YLPM1: variants seen among roughly 807,000 people sequenced by gnomAD.
YLPM1 encodes the protein YLP motif-containing protein 1.
A neutral mutation model predicts 230.0 loss-of-function variants in YLPM1; 99 were observed. The observed-to-expected ratio is 0.43, with a 90% CI of 0.37 to 0.51. YLPM1 has a LOEUF of 0.51. YLPM1 is among the 20% of genes least tolerant of loss of function. The pLI, the probability that YLPM1 is intolerant of heterozygous loss-of-function variation, is 0.00. For missense variants in YLPM1, 2,592 were observed against 2,707.7 expected, an observed-to-expected ratio of 0.96 and a Z score of 0.95; for synonymous variants, 984 against 942.5, an observed-to-expected ratio of 1.04 and a Z score of -0.81.
chr14:74,805,306 C>A (rs1484477359), intron 6 of YLPM1, among the ~76,000 whole-genome samples: 1 of 151,998 alleles, frequency 6.6e-6, no homozygotes, highest in Non-Finnish European at 1.5e-5. Flanking sequence ...CAGGCATGAA[C>A]CACCGCACCC....
intron 17 of YLPM1, chr14:74,823,997 C>A: frequency 2.6e-6 from 1 of 390,190 alleles, no homozygotes; most frequent in Non-Finnish European, 4.7e-6. Flanking sequence ...ATTGTGAGTC[C>A]TGAACTGTAG....
chr14:74,769,475 C>G (rs1443974843), intron 1 of YLPM1, among the ~76,000 whole-genome samples: 1 of 151,470 alleles, frequency 6.6e-6, no homozygotes, highest in Admixed American at 6.6e-5. Context: ...TTAGTAGAGA[C>G]GAGGTTTCAC....
Position 74,816,275 on chromosome 14 carries a change from G to A in YLPM1, c.5565+10G>A, listed in dbSNP as rs201950314. 273 of 1,609,632 alleles carry A rather than the reference G, an allele frequency of 1.7e-4. 3 individuals are homozygous for A. In the African/African-American group the frequency reaches 2.7e-3, roughly 16 times the overall value. ...TGCAAAACTTATTCGAGTGAGTATG[G>A]GGAAGCTGAAAAATCAGCTGCTTGT... On this transcript the variant is annotated intron_variant, in intron 12 of 20. Transcript: ENST00000325680.
In YLPM1 at chr14:74,813,849, T is replaced by G. The variant is rs540568670; in HGVS notation, c.5502+1067T>G. On this transcript the variant is annotated intron_variant, in intron 11 of 20. Coordinates refer to ENST00000325680, the MANE Select transcript of YLPM1 (RefSeq NM_019589.3). ...CAATACCACTGAATTCATTTATTACTTTTAGTAGGTTTTTAGTTGATTCTT... is the reference window on the plus strand; with the variant it reads ...CAATACCACTGAATTCATTTATTACGTTTAGTAGGTTTTTAGTTGATTCTT... Among the ~76,000 whole-genome samples, 16 of 152,342 alleles carry G rather than the reference T, an allele frequency of 1.1e-4. No homozygotes were observed. In the East Asian group the frequency reaches 3.1e-3, roughly 29 times the overall value.
rs1002712790 is a variant in YLPM1 at position 74,835,184 on chromosome 14, C to T, written c.6295-81C>T. ...GCGGTTTCAAATGAGTCATTCTACC[C>T]CTTAGACTGTCCAGAGAGGGAGGGG... On this transcript the variant is annotated intron_variant, in intron 19 of 20. Coordinates refer to ENST00000325680, the MANE Select transcript of YLPM1 (RefSeq NM_019589.3). 9.1e-6 allele frequency: 14 copies of T among 1,545,178 alleles called. 1 individual carries two copies. The highest frequency in any genetic ancestry group is 1.1e-5 in the Non-Finnish European group (13 of 1,142,098).
rs1283397678 is a variant in YLPM1 at position 74,764,013 on chromosome 14, A to G, written c.524A>G (p.Tyr175Cys). The G allele has an allele frequency of 6.5e-6, 10 of 1,527,714 alleles. No individual in the cohort carries two copies. The highest frequency in any genetic ancestry group is 8.8e-6 in the Non-Finnish European group (10 of 1,136,174). 94.6% of individuals were successfully genotyped at this position (1,527,714 alleles called of 1,614,324 possible). ...MPPPQPPPSY[Y>C]PPTSSQPYLP... ...CCACCTCAGCCGCCACCCTCTTACTACCCCCCGACCTCATCTCAGCCCTAC... is the reference window on the plus strand; with the variant it reads ...CCACCTCAGCCGCCACCCTCTTACTGCCCCCCGACCTCATCTCAGCCCTAC... The change falls in exon 1 of 21, where the codon TAC becomes TGC. Residue 175 changes from tyrosine (Y) to cysteine (C), a missense_variant. Tyr to Cys is a radical substitution (Grantham distance 194). Transcript: ENST00000325680.
In YLPM1 at chr14:74,763,615, C is replaced by A; in HGVS notation, c.126C>A (p.Pro42=). Residue 42 remains proline (P), a synonymous_variant, in exon 1 of 21, where the codon CCC becomes CCA. Coordinates refer to ENST00000325680, the MANE Select transcript of YLPM1 (RefSeq NM_019589.3). The part of the protein sequence containing the change: ...PGPGYSSSTT[P]AAPSSSGFMS... ...CCGGGTACTCGAGCTCGACGACTCC[C>A]GCGGCCCCCTCCTCCTCGGGCTTCA... 2 of 1,592,354 alleles carry A rather than the reference C, an allele frequency of 1.3e-6. No homozygotes were observed. The highest frequency in any genetic ancestry group is 2.3e-5 in the East Asian group (1 of 42,602).
chr14:74,797,741 G>A lies in YLPM1; in HGVS notation c.2444G>A (p.Gly815Glu). 1 of 1,613,546 alleles carries A rather than the reference G, an allele frequency of 6.2e-7. No individual in the cohort carries two copies. ...AGCAAGTGGGGAATGATTCCCCGGG[G>A]GCCAGCATCTCAATTTTATATTACC... ...TKSKWGMIPR[G>E]PASQFYITPS... The change falls in exon 5 of 21, where the codon GGG becomes GAG. Residue 815 changes from glycine (G) to glutamate (E), a missense_variant. By Grantham distance (98) the Gly-to-Glu change is moderately conservative (BLOSUM62 -2). This residue lies in a region of YLPM1 where 1,862 missense variants were observed against 1,819.8 expected (regional missense o/e 1.02). Transcript: ENST00000325680.
chr14:74,815,622 CT>C (rs953045118), intron 11 of YLPM1, among the ~76,000 whole-genome samples: 2 of 151,022 alleles, frequency 1.3e-5, no homozygotes, highest in African/African-American at 4.9e-5. Flanking sequence ...GTTTTATTGA[CT>C]TTTTCTCTTT....
chr14:74,832,979 T>G (rs1024954809), intron 19 of YLPM1, among the ~76,000 whole-genome samples: 8 of 152,044 alleles, frequency 5.3e-5, no homozygotes, highest in African/African-American at 1.7e-4. Flanking sequence ...TTTAACTATG[T>G]GCTGAGGATG....
intron 4 of YLPM1, among the ~76,000 whole-genome samples, chr14:74,784,998 A>G (rs893388663): frequency 6.6e-6 from 1 of 152,168 alleles, no homozygotes; most frequent in African/African-American, 2.4e-5. Context: ...ATGTGCTTAT[A>G]TTGTATAGCT....
chr14:74,789,960 A>G (rs2091190560), intron 4 of YLPM1, among the ~76,000 whole-genome samples: 2 of 151,766 alleles, frequency 1.3e-5, no homozygotes. Context: ...TGTAAAAAAG[A>G]TCACTTTTAA....
At chr14:74,825,702 T>A (rs544168104) in intron 18 of YLPM1, among the ~76,000 whole-genome samples, 1 of 152,282 alleles carries the variant, frequency 6.6e-6, no homozygotes, top group East Asian at 1.9e-4. Context: ...TCTTAAATAT[T>A]GATTATCCTT....
chr14:74,780,218 A>T (rs772484500), intron 2 of YLPM1, among the ~76,000 whole-genome samples, 187 bp from the exon 3 acceptor site: 1 of 152,222 alleles, frequency 6.6e-6, no homozygotes, highest in Non-Finnish European at 1.5e-5. Flanking sequence ...ATAATAGTAT[A>T]GATAGAGCTA....
Position 74,809,616 on chromosome 14 carries a change from T to C in YLPM1, c.4758T>C (p.Asn1586=). Residue 1586 remains asparagine, a synonymous_variant, in exon 7 of 21, where the codon AAT becomes AAC. Coordinates refer to ENST00000325680, the MANE Select transcript of YLPM1 (RefSeq NM_019589.3). Reference sequence around the variant, plus strand: ...CTTTCTATGGGCTCTGGGATACAAATGATGAACAAGGACTGAATTCAGAAT... The same window carrying C: ...CTTTCTATGGGCTCTGGGATACAAACGATGAACAAGGACTGAATTCAGAAT... The part of the protein sequence containing the change: ...EDSFYGLWDT[N]DEQGLNSEFK... 6.2e-7 allele frequency: 1 copy of C among 1,613,964 alleles called. No homozygotes were observed.
chr14:74,824,122 C>G, intron 17 of YLPM1, 134 bp from the exon 18 acceptor site: 1 of 772,664 alleles, frequency 1.3e-6, no homozygotes, highest in South Asian at 1.9e-5. Context: ...ATTGTGTTTC[C>G]CCTAAGGATG....
chr14:74,816,980 G>C lies in YLPM1; in HGVS notation c.5735G>C (p.Ser1912Thr). 6.2e-7 allele frequency: 1 copy of C among 1,607,536 alleles called. No homozygotes were observed. The highest frequency in any genetic ancestry group is 8.5e-7 in the Non-Finnish European group (1 of 1,177,800). The change falls in exon 14 of 21, where the codon AGC (serine) becomes ACC (threonine). Residue 1912 changes from serine to threonine, a missense_variant. Physicochemically the swap from Ser to Thr is moderately conservative, Grantham distance 58. This residue lies in a region of YLPM1 where 315 missense variants were observed against 429.3 expected (regional missense o/e 0.73). Transcript: ENST00000325680. ...EAEMEETYRT[S>T]MFKTFKKTLD... The stretch of plus-strand genomic sequence containing the variant: ...GAGATGGAGGAGACTTACCGCACCA[G>C]CATGTTCAAAACTTTCAAAAAGACT...
intron 1 of YLPM1, among the ~76,000 whole-genome samples, chr14:74,776,529 G>T (rs1206844736): frequency 6.6e-6 from 1 of 152,094 alleles, no homozygotes; most frequent in Non-Finnish European, 1.5e-5. Flanking sequence ...TCTATGCCTG[G>T]GGGCCATTTT....
At chr14:74,789,671 A>G (rs2091187278) in intron 4 of YLPM1, among the ~76,000 whole-genome samples, 1 of 145,368 alleles carries the variant, frequency 6.9e-6, no homozygotes, top group Non-Finnish European at 1.5e-5. Flanking sequence ...TCTGTTGCCC[A>G]GGCTAGAATG....
Sources: allele counts gnomAD v4.1 joint callset (sites outside exome capture counted in the v4.1 genomes callset), GRCh38; gene constraint gnomAD v4.1.1; regional missense constraint gnomAD v4.1.1; transcripts MANE v1.5; gene names NCBI Gene and HGNC (gene_info 2026-07-23, HGNC 2026-07-21).